The following CLASP2 variants were observed in gnomAD, a reference collection of about 807,000 sequenced individuals.
The protein encoded by CLASP2 is cytoplasmic linker associated protein 2, also known as CLIP-associating protein 2.
CLASP2 carries 47 observed loss-of-function variants against 194.4 expected under a neutral mutation model. The ratio of observed to expected loss-of-function variants is 0.24; its 90% CI spans 0.19 to 0.31. The LOEUF is 0.31. Among genes scored for constraint, CLASP2 ranks in the 10% least tolerant of loss-of-function variants. The pLI, the probability that CLASP2 is intolerant of heterozygous loss-of-function variation, is 1.00. For synonymous variants in CLASP2, 619 were observed against 633.5 expected, an observed-to-expected ratio of 0.98 and a Z score of 0.34; for missense variants, 1,445 against 1,823.6, an observed-to-expected ratio of 0.79 and a Z score of 3.78.
At chr3:33,680,673 T>C (rs1054382828) in intron 6 of CLASP2, among the ~76,000 whole-genome samples, 2 of 151,828 alleles carry the variant, frequency 1.3e-5, no homozygotes, top group African/African-American at 4.8e-5. Context: ...TAGCCAGGTG[T>C]TGTGGTGTGC....
chr3:33,643,706 C>G (rs1379474277), intron 8 of CLASP2, among the ~76,000 whole-genome samples: 1 of 151,810 alleles, frequency 6.6e-6, no homozygotes, highest in Non-Finnish European at 1.5e-5. Context: ...AAATGAAATA[C>G]TTATGATAGT....
rs1575845951 is a variant in CLASP2, at chr3:33,718,085, C to A, written c.-83G>T. 1 of 1,366,124 alleles carries A rather than the reference C, an allele frequency of 7.3e-7. No individual in the cohort carries two copies. The highest frequency in any genetic ancestry group is 1.5e-5 in the South Asian group (1 of 64,686). The allele number at this position is 1,366,124 out of a possible 1,614,324, so 84.6% of individuals were successfully genotyped here. On this transcript the variant is annotated 5_prime_UTR_variant, in exon 1 of 39. Coordinates refer to ENST00000682230, the MANE Select transcript of CLASP2 (RefSeq NM_001365631.1). ...GCCCAGCCTCCAGTGCGGGTCCCCGCGGGAGCGGGCGGGACTCACTTAGCC... is the reference window on the plus strand; with the variant it reads ...GCCCAGCCTCCAGTGCGGGTCCCCGAGGGAGCGGGCGGGACTCACTTAGCC...
intron 12 of CLASP2, among the ~76,000 whole-genome samples, chr3:33,612,332 T>C (rs185350250): frequency 1.4e-4 from 21 of 152,284 alleles, no homozygotes; most frequent in African/African-American, 4.1e-4. Flanking sequence ...AAAGAACTGT[T>C]AAGACAATAT....
At chr3:33,674,924 C>T (rs1176753821) in intron 6 of CLASP2, among the ~76,000 whole-genome samples, 1 of 152,100 alleles carries the variant, frequency 6.6e-6, no homozygotes, top group Non-Finnish European at 1.5e-5. Flanking sequence ...ATAACAGGAG[C>T]TGAAATTGTG....
At chr3:33,568,932 T>C (rs1482029902) in intron 26 of CLASP2, among the ~76,000 whole-genome samples, 2 of 152,142 alleles carry the variant, frequency 1.3e-5, no homozygotes, top group East Asian at 3.8e-4. Flanking sequence ...CGGCACAGGA[T>C]GGTGACATGT....
intron 30 of CLASP2, among the ~76,000 whole-genome samples, chr3:33,548,548 G>A (rs2059507997): frequency 6.6e-6 from 1 of 152,024 alleles, no homozygotes; most frequent in African/African-American, 2.4e-5. Flanking sequence ...CCACCCGCCT[G>A]TTTCCCAAAG....
At chr3:33,531,798 C>G (rs2056379926) in intron 34 of CLASP2, among the ~76,000 whole-genome samples, 2 of 151,930 alleles carry the variant, frequency 1.3e-5, no homozygotes, top group Non-Finnish European at 2.9e-5. Context: ...AAAACAAAAA[C>G]AAAACCTACA....
At chr3:33,565,876 A>G (rs1234180327) in intron 27 of CLASP2, among the ~76,000 whole-genome samples, 1 of 151,774 alleles carries the variant, frequency 6.6e-6, no homozygotes. Context: ...TTAATTGACT[A>G]TGTTATTGGT....
chr3:33,568,797 G>C (rs1465718289), intron 26 of CLASP2, among the ~76,000 whole-genome samples: 1 of 151,950 alleles, frequency 6.6e-6, no homozygotes, highest in Non-Finnish European at 1.5e-5. Flanking sequence ...TCAGAAAGAA[G>C]ATATCAAAAA....
chr3:33,560,750 G>A (rs1220327887), intron 28 of CLASP2, 58 bp downstream of exon 28: 1 of 1,444,490 alleles, frequency 6.9e-7, no homozygotes, highest in African/African-American at 1.4e-5. Flanking sequence ...ATTAACACAG[G>A]GGTTAGATAT....
At chr3:33,504,333 T>C (rs533471553) in intron 37 of CLASP2, 1 of 152,370 alleles carries the variant, frequency 6.6e-6, no homozygotes, top group South Asian at 2.1e-4. Flanking sequence ...TAGCTATATT[T>C]AGATCACTGA....
chr3:33,573,523 GT>G, intron 24 of CLASP2, 169 bp from the exon 25 acceptor site: 3 of 752,592 alleles, frequency 4.0e-6, no homozygotes, highest in South Asian at 3.1e-5. Context: ...CAGAAAACAA[GT>G]TTTAGAAGTT....
chr3:33,631,478 T>C (rs1002462433), intron 9 of CLASP2, among the ~76,000 whole-genome samples: 1 of 152,038 alleles, frequency 6.6e-6, no homozygotes, highest in South Asian at 2.1e-4. Flanking sequence ...GGTGGATCAC[T>C]TGAGGTGAGG....
chr3:33,656,273 T>C (rs1397060083), intron 7 of CLASP2, among the ~76,000 whole-genome samples: 1 of 152,080 alleles, frequency 6.6e-6, no homozygotes, highest in Non-Finnish European at 1.5e-5. Flanking sequence ...AGATAATAGA[T>C]TAATAACTGG....
At chr3:33,651,122 T>C (rs964727122) in intron 7 of CLASP2, among the ~76,000 whole-genome samples, 1 of 152,078 alleles carries the variant, frequency 6.6e-6, no homozygotes, top group African/African-American at 2.4e-5. Context: ...GTGGTTCACA[T>C]CTGTAATCCC....
At chr3:33,632,714 A>G (rs977338932) in intron 8 of CLASP2, among the ~76,000 whole-genome samples, 6 of 152,208 alleles carry the variant, frequency 3.9e-5, no homozygotes, top group Non-Finnish European at 7.3e-5. Context: ...AAATGACACT[A>G]AATGTCAATA....
chr3:33,580,232 T>A (rs1274961697), intron 23 of CLASP2, among the ~76,000 whole-genome samples: 1 of 152,170 alleles, frequency 6.6e-6, no homozygotes, highest in Admixed American at 6.5e-5. Context: ...CCTAGTATAT[T>A]TGAGCCAAAT....
chr3:33,563,856 T>A, intron 27 of CLASP2: 1 of 455,716 alleles, frequency 2.2e-6, no homozygotes, highest in Non-Finnish European at 4.4e-6. Context: ...TCCAAACTGA[T>A]CTTGGGCTAT....
At chr3:33,600,943 C>G (rs1384498662) in intron 18 of CLASP2, among the ~76,000 whole-genome samples, 3 of 143,944 alleles carry the variant, frequency 2.1e-5, no homozygotes, top group Admixed American at 7.0e-5. Context: ...ATCAGTGTTG[C>G]TTGATAAGGC....
Sources: gnomAD v4.1 joint callset for allele counts (sites outside exome capture counted in the v4.1 genomes callset) on GRCh38, gnomAD v4.1.1 for gene constraint, MANE v1.5 for transcripts, NCBI Gene and HGNC (gene_info 2026-07-23, HGNC 2026-07-21) for gene names.